The following TASOR variants were observed in gnomAD, a reference collection of about 807,000 sequenced individuals.
TASOR encodes the protein transcription activation suppressor, also known as protein TASOR.
A neutral mutation model predicts 178.6 loss-of-function variants in TASOR; 53 were observed. The ratio of observed to expected loss-of-function variants is 0.30; its 90% CI spans 0.24 to 0.37. The LOEUF (loss-of-function observed/expected upper bound fraction) is 0.37, where lower values mean the gene tolerates loss of function less well. TASOR is among the 10% of genes least tolerant of loss of function. TASOR has a pLI of 1.00. For missense variants in TASOR, 1,815 were observed against 1,971.4 expected, an observed-to-expected ratio of 0.92 and a Z score of 1.50; for synonymous variants, 713 against 696.2, an observed-to-expected ratio of 1.02 and a Z score of -0.38.
chr3:56,637,519 T>C (rs2077041320), intron 17 of TASOR, among the ~76,000 whole-genome samples: 1 of 150,548 alleles, frequency 6.6e-6, no homozygotes, highest in Admixed American at 6.6e-5. Flanking sequence ...AGATTCTGTA[T>C]CAGAGGGGAA....
intron 15 of TASOR, 44 bp downstream of exon 15, chr3:56,641,305 C>A (rs770295019): frequency 2.2e-5 from 33 of 1,526,774 alleles, no homozygotes; most frequent in Non-Finnish European, 2.7e-5. Context: ...CTCTTTCACA[C>A]ACACACTCAC....
At chr3:56,673,938 G>C (rs1024458695) in intron 1 of TASOR, among the ~76,000 whole-genome samples, 2 of 152,042 alleles carry the variant, frequency 1.3e-5, no homozygotes, top group Non-Finnish European at 2.9e-5. Flanking sequence ...CAACAATGAG[G>C]ATCTGGCATT....
intron 14 of TASOR, 50 bp from the exon 15 acceptor site, chr3:56,641,802 A>C (rs754637336): frequency 6.6e-7 from 1 of 1,518,276 alleles, no homozygotes; most frequent in South Asian, 1.3e-5. Flanking sequence ...AGCAAGCATA[A>C]AACTTTTAAA....
chr3:56,676,318 CTT>C lies in TASOR; in HGVS notation c.332-2595_332-2594del, dbSNP rs1266881613. On this transcript the variant is annotated intron_variant, in intron 1 of 23. Coordinates refer to ENST00000683822, the MANE Select transcript of TASOR (RefSeq NM_001365635.2). ...AAATGACTGTGATTTAAAATTGACT[CTT>C]TCACAAATTCAACAATTCAGTAATA... 4.6e-5 allele frequency among the ~76,000 whole-genome samples: 7 copies of C among 152,308 alleles called. No homozygotes were observed. In the South Asian group the frequency reaches 1.2e-3, roughly 27 times the overall value.
intron 14 of TASOR, among the ~76,000 whole-genome samples, chr3:56,643,093 G>A (rs758107386): frequency 1.3e-5 from 2 of 151,708 alleles, no homozygotes; most frequent in Admixed American, 6.6e-5. Flanking sequence ...GTGAAACCCT[G>A]TCTCTACTAA....
At position 56,623,077 on chromosome 3, in the gene TASOR, C is replaced by T. The variant is rs745337373; in HGVS notation, c.4973G>A (p.Gly1658Glu). 6.3e-7 allele frequency: 1 copy of T among 1,595,146 alleles called. No homozygotes were observed. The highest frequency in any genetic ancestry group is 2.2e-5 in the East Asian group (1 of 44,580). ...ATATGGCCTGGAAGAATCACTTTTC[C>T]CCCAACTTAAGGGAGGTGGAGATTT... Reference protein sequence around the residue: ...RDKSPPPLSWGKSDSSRPYSQ... With the variant: ...RDKSPPPLSWEKSDSSRPYSQ... The change falls in exon 24 of 24, where the codon GGG becomes GAG. Residue 1658 changes from glycine (G) to glutamate (E), a missense_variant. Around this residue, in one of 5 missense-constraint regions of TASOR, gnomAD observed 278 missense variants for 257.1 expected, o/e 1.08. Transcript: ENST00000683822.
chr3:56,637,929 T>C (rs537318003), intron 17 of TASOR, among the ~76,000 whole-genome samples: 1 of 152,180 alleles, frequency 6.6e-6, no homozygotes, highest in Non-Finnish European at 1.5e-5. Context: ...TCTGCAACTG[T>C]TTCTGAAATC....
At position 56,623,433 on chromosome 3, in the gene TASOR, T is replaced by C. The variant is rs746740153; in HGVS notation, c.4617A>G (p.Thr1539=). Residue 1539 remains threonine, a synonymous_variant, in exon 24 of 24, where the codon ACA becomes ACG. Transcript: ENST00000683822. ...WEKETKGSRG[T]DQKKNTQIEL... The stretch of plus-strand genomic sequence containing the variant: ...CAATTTGAGTATTCTTTTTTTGATC[T>C]GTTCCACGTGATCCTTTGGTCTCTT... 2 of 1,613,810 alleles carry C rather than the reference T, an allele frequency of 1.2e-6. No homozygotes were observed. Among genetic ancestry groups the C allele is most frequent in the Admixed American group, 1.7e-5 (1 of 60,026 alleles).
intron 11 of TASOR, among the ~76,000 whole-genome samples, chr3:56,654,759 T>C (rs528854169): frequency 3.3e-5 from 5 of 152,332 alleles, no homozygotes; most frequent in Non-Finnish European, 5.9e-5. Context: ...GGATGTCAAC[T>C]GTTCCCTGCC....
intron 7 of TASOR, chr3:56,663,918 T>C: frequency 1.1e-6 from 1 of 934,112 alleles, no homozygotes; most frequent in Admixed American, 6.1e-5. Flanking sequence ...TATTAATTCA[T>C]CATTCAGTAA....
intron 1 of TASOR, among the ~76,000 whole-genome samples, chr3:56,681,594 A>G (rs186806374): frequency 1.3e-5 from 2 of 152,156 alleles, no homozygotes. Flanking sequence ...TACAGCCAAG[A>G]CTCTGTACCA....
intron 20 of TASOR, 61 bp from the exon 21 acceptor site, chr3:56,627,206 T>C (rs930656079): frequency 1.9e-5 from 19 of 992,352 alleles, no homozygotes; most frequent in Non-Finnish European, 2.8e-5. Context: ...AAGTGAATTA[T>C]GAAAGAAGTG....
At chr3:56,632,087 G>C (rs780149197) in intron 18 of TASOR, among the ~76,000 whole-genome samples, 2 of 152,176 alleles carry the variant, frequency 1.3e-5, no homozygotes, top group Non-Finnish European at 2.9e-5. Flanking sequence ...ACCCTGGGCA[G>C]TTTGTTTTTC....
intron 1 of TASOR, among the ~76,000 whole-genome samples, chr3:56,679,616 C>A (rs1328337570): frequency 6.6e-6 from 1 of 152,146 alleles, no homozygotes; most frequent in African/African-American, 2.4e-5. Flanking sequence ...AAATTTAGTG[C>A]ATGAGCGCAA....
chr3:56,648,345 C>CA (rs1226877351), intron 13 of TASOR, among the ~76,000 whole-genome samples: 4 of 151,548 alleles, frequency 2.6e-5, no homozygotes, highest in Non-Finnish European at 5.9e-5. Context: ...AAAAAATCGT[C>CA]AGCCAGGCAC....
chr3:56,637,963 C>G (rs1253988362), intron 17 of TASOR, among the ~76,000 whole-genome samples: 6 of 152,132 alleles, frequency 3.9e-5, no homozygotes, highest in Non-Finnish European at 7.4e-5. Context: ...CTTATTTAAT[C>G]TACCTGCAGA....
chr3:56,645,109 A>G (rs2077208351), intron 14 of TASOR, among the ~76,000 whole-genome samples: 1 of 152,156 alleles, frequency 6.6e-6, no homozygotes, highest in Non-Finnish European at 1.5e-5. Flanking sequence ...CCCCGTCTCC[A>G]CTAAAGATAC....
rs2107623013 is a variant in TASOR at position 56,667,512 on chromosome 3, C to T, written c.897+885G>A. Among the ~76,000 whole-genome samples the T allele has an allele frequency of 1.3e-5, 2 of 152,140 alleles. 1 individual carries two copies. The highest frequency in any genetic ancestry group is 6.8e-3 in the Middle Eastern group (2 of 294). ...TACTAAAAAAAATACAAAAAATTAG[C>T]TAGGTGAGGTGGCAGGTGCCTATAA... On this transcript the variant is annotated intron_variant, in intron 6 of 23. Transcript: ENST00000683822.
intron 4 of TASOR, 96 bp downstream of exon 4, chr3:56,669,977 T>C (rs1265339708): frequency 2.1e-6 from 2 of 941,522 alleles, no homozygotes; most frequent in African/African-American, 3.4e-5. Flanking sequence ...TAATAAAGCA[T>C]GAATTTAATA....
Sources: gnomAD v4.1 joint callset for allele counts (sites outside exome capture counted in the v4.1 genomes callset) on GRCh38, gnomAD v4.1.1 for gene constraint, gnomAD v4.1.1 regional missense constraint, MANE v1.5 for transcripts, NCBI Gene and HGNC (gene_info 2026-07-23, HGNC 2026-07-21) for gene names.